CNGB1: variants seen among roughly 807,000 people sequenced by gnomAD.
CNGB1 encodes cyclic nucleotide gated channel subunit beta 1, also known as cyclic nucleotide-gated channel beta-1.
CNGB1 carries 126 observed loss-of-function variants against 151.7 expected under a neutral mutation model. The observed-to-expected ratio is 0.83, with a 90% CI of 0.72 to 0.96. The LOEUF (loss-of-function observed/expected upper bound fraction) is 0.96. Ranked by LOEUF, CNGB1 falls within the 40% of genes least tolerant of loss-of-function variation. The pLI is 0.00. For missense variants in CNGB1, 1,698 were observed against 1,627.0 expected, an observed-to-expected ratio of 1.04 and a Z score of -0.75; for synonymous variants, 623 against 635.1, an observed-to-expected ratio of 0.98 and a Z score of 0.29.
intron 14 of CNGB1, among the ~76,000 whole-genome samples, chr16:57,942,709 A>G (rs1961700408): frequency 6.6e-6 from 1 of 151,998 alleles, no homozygotes; most frequent in Non-Finnish European, 1.5e-5. Flanking sequence ...TATAAGATAC[A>G]AAAACTAGCT....
rs147424906 is a variant in CNGB1 at position 57,965,338 on chromosome 16, T to G, written c.160-794A>C. Among the ~76,000 whole-genome samples, 1,362 of 152,260 alleles carry G rather than the reference T, an allele frequency of 8.9e-3. 20 individuals are homozygous for G. The highest frequency in any genetic ancestry group is 0.031 in the African/African-American group (1,295 of 41,528). On this transcript the variant is annotated intron_variant, in intron 2 of 32. Transcript: ENST00000251102. ...ATATGCATGCATGCCCCAACACATA[T>G]ATGTGCATACAGTCATATGCAAACG...
At chr16:57,902,809 C>T (rs1308992629) in intron 27 of CNGB1, among the ~76,000 whole-genome samples, 4 of 148,548 alleles carry the variant, frequency 2.7e-5, no homozygotes, top group Non-Finnish European at 4.5e-5. Flanking sequence ...GATGGGGTTT[C>T]ACCATGTTGG....
intron 17 of CNGB1, among the ~76,000 whole-genome samples, chr16:57,928,364 G>C (rs1472365243): frequency 6.6e-6 from 1 of 152,216 alleles, no homozygotes; most frequent in Non-Finnish European, 1.5e-5. Flanking sequence ...AACAAGAGGG[G>C]ATTTGTTAAG....
At chr16:57,887,721 A>G in intron 32 of CNGB1, 134 bp downstream of exon 32, 1 of 874,948 alleles carries the variant, frequency 1.1e-6, no homozygotes, top group Non-Finnish European at 1.9e-6. Flanking sequence ...TGGTAACCAA[A>G]TGAGCCCTGA....
chr16:57,910,332 A>T (rs1960674903), intron 25 of CNGB1, among the ~76,000 whole-genome samples: 1 of 152,138 alleles, frequency 6.6e-6, no homozygotes. Flanking sequence ...CTTTCTACTG[A>T]TAACTCTTTC....
rs373232101 is a variant in CNGB1 at position 57,939,594 on chromosome 16, T to C, written c.1210-2A>G. On this transcript the variant is annotated splice_acceptor_variant, in intron 15 of 32. Coordinates refer to ENST00000251102, the MANE Select transcript of CNGB1 (RefSeq NM_001297.5). LOFTEE classifies it high-confidence loss of function. The stretch of plus-strand genomic sequence containing the variant: ...CTCCCCAACTTCCTCCCACAGCTTC[T>C]GCAGAGAATAAAGTGAAAACAGAAA... The C allele has an allele frequency of 5.0e-5, 80 of 1,614,054 alleles. No homozygotes were observed. Among genetic ancestry groups the C allele is most frequent in the Non-Finnish European group, 5.9e-5 (70 of 1,180,038 alleles).
intron 2 of CNGB1, among the ~76,000 whole-genome samples, chr16:57,966,380 A>T (rs763104076): frequency 6.6e-6 from 1 of 152,196 alleles, no homozygotes; most frequent in East Asian, 1.9e-4. Flanking sequence ...AGCTAAATCA[A>T]ATGTGTCGAA....
At chr16:57,949,129 TG>T (rs530541692) in intron 14 of CNGB1, among the ~76,000 whole-genome samples, 382 of 148,306 alleles carry the variant, frequency 2.6e-3, no homozygotes, top group African/African-American at 9.1e-3. Flanking sequence ...CATTCTAGTG[TG>T]TGTGGGGGGG....
At position 57,883,943 on chromosome 16, in the gene CNGB1, C is replaced by A; in HGVS notation, c.*221G>T. 1 of 614,600 alleles carries A rather than the reference C, an allele frequency of 1.6e-6. No homozygotes were observed. Among genetic ancestry groups the A allele is most frequent in the Non-Finnish European group, 2.9e-6 (1 of 344,222 alleles). The allele number at this position is 614,600 out of a possible 1,614,324, so 38.1% of individuals were successfully genotyped here. On this transcript the variant is annotated 3_prime_UTR_variant, in exon 33 of 33. Transcript: ENST00000251102. ...GATAGTGAGAGCTCAGGGACTCGAA[C>A]ACTTGATGCAACTTGTCGAGCTCAG...
chr16:57,900,213 C>G (rs1407278657), intron 29 of CNGB1, among the ~76,000 whole-genome samples: 5 of 152,212 alleles, frequency 3.3e-5, no homozygotes, highest in African/African-American at 1.2e-4. Flanking sequence ...TCAGGCAGGC[C>G]ACTCTATTGC....
Position 57,932,400 on chromosome 16 carries a change from CTTT to C in CNGB1, c.1373-525_1373-523del, listed in dbSNP as rs36048770. ...ACAAGTACTCACATTCTTAAAGATT[CTTT>C]TTTTTTTTTTTTTTTTTGAGTCGGA... On this transcript the variant is annotated intron_variant, in intron 16 of 32. Coordinates refer to ENST00000251102, the MANE Select transcript of CNGB1 (RefSeq NM_001297.5). 5.8e-3 allele frequency among the ~76,000 whole-genome samples: 716 copies of C among 124,430 alleles called. 2 individuals carry two copies. Among genetic ancestry groups the C allele is most frequent in the African/African-American group, 0.02 (646 of 31,976 alleles). The allele number at this position is 124,430 out of a possible 152,430, so 81.6% of individuals were successfully genotyped here.
Position 57,901,449 on chromosome 16 carries a change from G to A in CNGB1, c.2893-14C>T, listed in dbSNP as rs761447716. On this transcript the variant is annotated splice_polypyrimidine_tract_variant and intron_variant, in intron 28 of 32. Coordinates refer to ENST00000251102, the MANE Select transcript of CNGB1 (RefSeq NM_001297.5). Reference sequence around the variant, plus strand: ...CCGGTCACAGCCCTGTCCCGGTGAGGAAGGGAAAGGAACTTTTTAGAGAAG... The same window carrying A: ...CCGGTCACAGCCCTGTCCCGGTGAGAAAGGGAAAGGAACTTTTTAGAGAAG... 1 of 1,614,102 alleles carries A rather than the reference G, an allele frequency of 6.2e-7. No individual in the cohort carries two copies. The highest frequency in any genetic ancestry group is 1.7e-5 in the Admixed American group (1 of 60,024).
rs1239122375 is a variant in CNGB1, at chr16:57,884,208, G to C, written c.3712C>G (p.Leu1238Val). 3.1e-6 allele frequency: 5 copies of C among 1,614,060 alleles called. No individual in the cohort carries two copies. In the Admixed American group the frequency reaches 8.3e-5, roughly 27 times the overall value. The change falls in exon 33 of 33, where the codon CTG (leucine) becomes GTG (valine). Residue 1238 changes from leucine (L) to valine (V), a missense_variant. Coordinates refer to ENST00000251102, the MANE Select transcript of CNGB1 (RefSeq NM_001297.5). ...CTTTCCTCCGGCATCTTCACCGACA[G>C]GATCTGCTCTCCCGGCTCCGGGCCC... is the stretch of plus-strand genomic sequence containing the variant. ...SPGPEPGEQI[L>V]SVKMPEEREE...
chr16:57,930,250 A>G (rs1051295476), intron 17 of CNGB1, among the ~76,000 whole-genome samples: 1 of 152,112 alleles, frequency 6.6e-6, no homozygotes, highest in East Asian at 1.9e-4. Flanking sequence ...TAATTCCGGC[A>G]CTTTGGGAGG....
At chr16:57,923,232 C>CCCCCCCT in intron 18 of CNGB1, 41 bp downstream of exon 18, 1 of 1,397,988 alleles carries the variant, frequency 7.2e-7, no homozygotes, top group Admixed American at 1.7e-5. Flanking sequence ...CCCACCCTCC[C>CCCCCCCT]CGCAGTCTTT....
At chr16:57,957,865 G>A (rs1447748309) in intron 11 of CNGB1, among the ~76,000 whole-genome samples, 1 of 152,194 alleles carries the variant, frequency 6.6e-6, no homozygotes, top group Non-Finnish European at 1.5e-5. Flanking sequence ...CCAGGAGAGA[G>A]ATTAGGCCTC....
In CNGB1 at chr16:57,959,890, G is replaced by A. The variant is rs1277792520; in HGVS notation, c.759C>T (p.Ala253=). 1 of 1,530,806 alleles carries A rather than the reference G, an allele frequency of 6.5e-7. No individual in the cohort carries two copies. Among genetic ancestry groups the A allele is most frequent in the Non-Finnish European group, 8.8e-7 (1 of 1,138,140 alleles). 94.8% of individuals were successfully genotyped at this position (1,530,806 alleles called of 1,614,324 possible). A position where few individuals can be genotyped will look rare whatever the true frequency, so the allele number is the denominator to read the frequency against. Reference sequence around the variant, plus strand: ...GCGCTGCATTGAGGGTGGCTCACCTGGCAGGGTCCCTGGTTGGTGGCAGGG... The same window carrying A: ...GCGCTGCATTGAGGGTGGCTCACCTAGCAGGGTCCCTGGTTGGTGGCAGGG... ...TSSLPPTRDP[A]RLVAWVLHRL... Residue 253 remains alanine (A), a splice_region_variant and synonymous_variant, in exon 10 of 33, where the codon GCC becomes GCT. Coordinates refer to ENST00000251102, the MANE Select transcript of CNGB1 (RefSeq NM_001297.5).
intron 12 of CNGB1, among the ~76,000 whole-genome samples, chr16:57,954,231 G>A (rs1399034818): frequency 4.6e-5 from 7 of 152,138 alleles, no homozygotes; most frequent in African/African-American, 1.7e-4. Context: ...TACTGGGATT[G>A]CCCCACCTCA....
chr16:57,949,134 G>GA (rs1961881940), intron 14 of CNGB1, among the ~76,000 whole-genome samples: 1 of 149,042 alleles, frequency 6.7e-6, no homozygotes, highest in Non-Finnish European at 1.5e-5. Flanking sequence ...TAGTGTGTGT[G>GA]GGGGGGGATG....
Sources: gnomAD v4.1 joint callset for allele counts (sites outside exome capture counted in the v4.1 genomes callset) on GRCh38, gnomAD v4.1.1 for gene constraint, MANE v1.5 for transcripts, NCBI Gene and HGNC (gene_info 2026-07-23, HGNC 2026-07-21) for gene names.